Variants in CDH13 observed in about 807,000 individuals in gnomAD.
CDH13 encodes the protein cadherin-13.
CDH13 carries 24 observed loss-of-function variants against 63.8 expected under a neutral mutation model. The observed-to-expected ratio is 0.38, with a 90% CI of 0.27 to 0.53. The LOEUF (loss-of-function observed/expected upper bound fraction) is 0.53, where lower values mean the gene tolerates loss of function less well. Ranked by LOEUF, CDH13 falls within the 20% of genes least tolerant of loss-of-function variation. The pLI is 0.85. For missense variants in CDH13, 1,049 were observed against 903.1 expected (o/e 1.16, Z -2.07); for synonymous variants, 503 against 355.3 (o/e 1.42, Z -4.67).
rs367812199 is a variant in CDH13 at position 83,460,982 on chromosome 16, A to AACACACACACACACACAC, written c.782-25483_782-25482insACACACACACACACACAC. Among the ~76,000 whole-genome samples the AACACACACACACACACAC allele has an allele frequency of 2.4e-4, 32 of 134,338 alleles. 1 individual carries two copies. The highest frequency in any genetic ancestry group is 8.1e-4 in the African/African-American group (29 of 35,660). 88.1% of individuals were successfully genotyped at this position (134,338 alleles called of 152,430 possible). ...GTGACAGAATTAGACCTTGTCTCAA[A>AACACACACACACACACAC]ACACACACACACGCACACACACACA... On this transcript the variant is annotated intron_variant, in intron 6 of 13. Coordinates refer to ENST00000567109, the MANE Select transcript of CDH13 (RefSeq NM_001257.5).
intron 6 of CDH13, among the ~76,000 whole-genome samples, chr16:83,387,197 A>T (rs1159862794): frequency 1.3e-5 from 2 of 152,170 alleles, no homozygotes; most frequent in Admixed American, 6.5e-5. Flanking sequence ...AGGAGGAGGC[A>T]AGGTACCCAT....
chr16:83,462,472 C>G (rs2073205825), intron 6 of CDH13, among the ~76,000 whole-genome samples: 1 of 152,234 alleles, frequency 6.6e-6, no homozygotes, highest in Non-Finnish European at 1.5e-5. Context: ...AAATTAGAGG[C>G]AAGGTGCAGT....
At chr16:83,046,514 A>G (rs948269994) in intron 3 of CDH13, among the ~76,000 whole-genome samples, 43 of 152,226 alleles carry the variant, frequency 2.8e-4, no homozygotes, top group Admixed American at 2.7e-3. Context: ...TTATACATCA[A>G]TACATTAAAA....
intron 5 of CDH13, among the ~76,000 whole-genome samples, chr16:83,342,059 T>C (rs2090737321): frequency 6.7e-6 from 1 of 150,020 alleles, no homozygotes; most frequent in Admixed American, 6.6e-5. Context: ...TACCCAGTGA[T>C]GGAAATGTTC....
chr16:82,931,291 G>C (rs781760985), intron 2 of CDH13, among the ~76,000 whole-genome samples: 1 of 152,114 alleles, frequency 6.6e-6, no homozygotes, highest in Non-Finnish European at 1.5e-5. Context: ...TTTTGAAAGC[G>C]TGTCTGATAA....
Position 83,670,802 on chromosome 16 carries a change from G to A in CDH13, c.1114G>A (p.Val372Ile), listed in dbSNP as rs1914434103. 2 of 1,613,852 alleles carry A rather than the reference G, an allele frequency of 1.2e-6. No homozygotes were observed. Among genetic ancestry groups the A allele is most frequent in the African/African-American group, 1.3e-5 (1 of 74,920 alleles). ...KFTKKEFQATVEEGAVGVIVN... is the reference protein window; with the variant it reads ...KFTKKEFQATIEEGAVGVIVN... ...GCTTTGTTTGCAGTTTCAAGCCACA[G>A]TCGAGGAAGGAGCTGTGGGAGTTAT... Residue 372 changes from valine (V) to isoleucine (I), a missense_variant, in exon 9 of 14, where the codon GTC (valine) becomes ATC (isoleucine). Transcript: ENST00000567109.
intron 1 of CDH13, among the ~76,000 whole-genome samples, chr16:82,718,858 T>C (rs945402720): frequency 5.3e-5 from 8 of 151,920 alleles, no homozygotes; most frequent in African/African-American, 1.9e-4. Flanking sequence ...CAAGATGAAA[T>C]TTGGATGGGG....
chr16:83,572,243 A>G (rs530268000), intron 7 of CDH13, among the ~76,000 whole-genome samples: 10 of 148,468 alleles, frequency 6.7e-5, no homozygotes, highest in East Asian at 2.0e-4. Flanking sequence ...TTGGAGTGCA[A>G]TGGCGTGATC....
chr16:83,172,863 T>C (rs2037982120), intron 4 of CDH13, among the ~76,000 whole-genome samples: 1 of 152,188 alleles, frequency 6.6e-6, no homozygotes, highest in Non-Finnish European at 1.5e-5. Context: ...TTTGATCTAC[T>C]GAACCTTCTA....
rs1010012755 is a variant in CDH13 at position 83,795,154 on chromosome 16, C to T, written c.*124C>T. 9.5e-6 allele frequency: 7 copies of T among 734,864 alleles called. No homozygotes were observed. The highest frequency in any genetic ancestry group is 5.7e-5 in the Admixed American group (2 of 35,384). 45.5% of individuals were successfully genotyped at this position (734,864 alleles called of 1,614,324 possible). On this transcript the variant is annotated 3_prime_UTR_variant, in exon 14 of 14. Coordinates refer to ENST00000567109, the MANE Select transcript of CDH13 (RefSeq NM_001257.5). ...CTTCACAACTAGGCCTCAATTGTTC[C>T]GGTTTTTTATTTTCTTTACAATTTC...
intron 6 of CDH13, among the ~76,000 whole-genome samples, chr16:83,419,594 C>G (rs1372699941): frequency 6.6e-6 from 1 of 152,162 alleles, no homozygotes; most frequent in Non-Finnish European, 1.5e-5. Flanking sequence ...CCAATAATAT[C>G]TAGACCATGG....
intron 2 of CDH13, among the ~76,000 whole-genome samples, chr16:82,889,825 T>G (rs1291651319): frequency 6.6e-6 from 1 of 152,230 alleles, no homozygotes; most frequent in Non-Finnish European, 1.5e-5. Context: ...CTAAAATACG[T>G]AAGTCTAAAG....
Position 83,422,535 on chromosome 16 carries a change from A to G in CDH13, c.782-63942A>G, listed in dbSNP as rs2071748666. ...GTTTAATTTCTTGCACGAATTAATT[A>G]ATACTTACGATAAATGTCTTGAAAG... On this transcript the variant is annotated intron_variant, in intron 6 of 13. Transcript: ENST00000567109. Among the ~76,000 whole-genome samples, 4 of 152,364 alleles carry G rather than the reference A, an allele frequency of 2.6e-5. No homozygotes were observed. In the South Asian group the frequency reaches 8.3e-4, roughly 32 times the overall value.
chr16:83,661,805 T>C (rs7202118), intron 8 of CDH13, among the ~76,000 whole-genome samples: 152,035 of 152,350 alleles, frequency 1, 75,860 homozygotes, highest in Middle Eastern at 1. Context: ...CACATGGAAA[T>C]ATCTCATAGG....
At chr16:83,645,537 GCC>G (rs10609121) in intron 8 of CDH13, among the ~76,000 whole-genome samples, 89,902 of 151,184 alleles carry the variant, frequency 0.59, 26,779 homozygotes, top group Admixed American at 0.65. Flanking sequence ...ATGCACACAT[GCC>G]CCCCCCCAAT....
At chr16:83,429,540 A>G (rs2072027361) in intron 6 of CDH13, among the ~76,000 whole-genome samples, 3 of 152,068 alleles carry the variant, frequency 2.0e-5, no homozygotes, top group Non-Finnish European at 4.4e-5. Flanking sequence ...ACACACTCAC[A>G]CAGCATTGAA....
At chr16:82,969,748 C>T (rs560869229) in intron 2 of CDH13, among the ~76,000 whole-genome samples, 2 of 152,144 alleles carry the variant, frequency 1.3e-5, no homozygotes, top group East Asian at 3.9e-4. Flanking sequence ...CTAGTCCGTG[C>T]ACAATATATT....
chr16:83,603,330 G>C (rs1908025358), intron 8 of CDH13, among the ~76,000 whole-genome samples: 1 of 152,220 alleles, frequency 6.6e-6, no homozygotes, highest in Non-Finnish European at 1.5e-5. Context: ...ATATGGAATA[G>C]GTACGATGGC....
At chr16:83,465,184 G>C (rs1017803793) in intron 6 of CDH13, among the ~76,000 whole-genome samples, 3 of 152,216 alleles carry the variant, frequency 2.0e-5, no homozygotes, top group African/African-American at 7.2e-5. Context: ...GTGATAAGTT[G>C]CAAGAGTAAA....
Sources: allele counts gnomAD v4.1 joint callset (sites outside exome capture counted in the v4.1 genomes callset), GRCh38; gene constraint gnomAD v4.1.1; transcripts MANE v1.5; gene names NCBI Gene and HGNC (gene_info 2026-07-23, HGNC 2026-07-21).